The following PACS1 variants were observed in gnomAD, a reference collection of about 807,000 sequenced individuals.
PACS1 encodes the protein phosphofurin acidic cluster sorting protein 1.
PACS1 carries 24 observed loss-of-function variants against 115.0 expected under a neutral mutation model. The ratio of observed to expected loss-of-function variants is 0.21; its 90% CI spans 0.15 to 0.29. PACS1 has a LOEUF of 0.29. Ranked by LOEUF, PACS1 falls within the 10% of genes least tolerant of loss-of-function variation. PACS1 has a pLI of 1.00. For missense variants in PACS1, 838 were observed against 1,251.2 expected, an observed-to-expected ratio of 0.67 and a Z score of 4.98; for synonymous variants, 453 against 504.5, an observed-to-expected ratio of 0.90 and a Z score of 1.37.
chr11:66,232,281 G>C lies in PACS1; in HGVS notation c.1731+5G>C. On this transcript the variant is annotated splice_donor_5th_base_variant and intron_variant, in intron 14 of 23. Transcript: ENST00000320580. ...ACCACTGACTGGCAGGGCCAGGTAA[G>C]TGCTGAAACTGCGAGGCCATGTGGG... is the stretch of plus-strand genomic sequence containing the variant. 5 of 1,576,798 alleles carry C rather than the reference G, an allele frequency of 3.2e-6. No homozygotes were observed. The highest frequency in any genetic ancestry group is 4.4e-6 in the Non-Finnish European group (5 of 1,146,150).
intron 11 of PACS1, among the ~76,000 whole-genome samples, chr11:66,230,155 A>G (rs546989719): frequency 3.6e-5 from 5 of 139,854 alleles, no homozygotes; most frequent in Non-Finnish European, 6.4e-5. Flanking sequence ...AAAAAAAAAG[A>G]AAAAAAAAAA....
At chr11:66,160,959 A>T (rs801736) in intron 1 of PACS1, among the ~76,000 whole-genome samples, 61,615 of 151,864 alleles carry the variant, frequency 0.41, 13,434 homozygotes, top group Non-Finnish European at 0.48. Context: ...CTGGGTTCAT[A>T]TTCAGGTCCC....
Position 66,235,324 on chromosome 11 carries a change from G to T in PACS1, c.2128G>T (p.Val710Leu). 1 of 1,614,032 alleles carries T rather than the reference G, an allele frequency of 6.2e-7. No individual in the cohort carries two copies. The highest frequency in any genetic ancestry group is 1.1e-5 in the South Asian group (1 of 91,078). ...AGAGCAACTGGACGTGGCAGGGCGG[G>T]TGATGCAGTACGTCAACGGGGCAGC... ...VSEQLDVAGR[V>L]MQYVNGAATT... Residue 710 changes from valine to leucine, a missense_variant, in exon 18 of 24, where the codon GTG becomes TTG. This residue lies in a region of PACS1 where 383 missense variants were observed against 537.0 expected (regional missense o/e 0.71). Transcript: ENST00000320580. This position sits in a 1 kb window ranked among gnomAD's most constrained non-coding sequence, Gnocchi z 5.6.
chr11:66,176,983 T>C (rs1859880842), intron 1 of PACS1, among the ~76,000 whole-genome samples: 1 of 152,210 alleles, frequency 6.6e-6, no homozygotes, highest in African/African-American at 2.4e-5. Flanking sequence ...AGACTGAGGA[T>C]GCTCTGAGGT....
Position 66,070,275 on chromosome 11 carries a change from C to A in PACS1, c.-212C>A, listed in dbSNP as rs1857282219. On this transcript the variant is annotated 5_prime_UTR_variant, in exon 1 of 24. Coordinates refer to ENST00000320580, the MANE Select transcript of PACS1 (RefSeq NM_018026.4). The surrounding 1 kb of genome is among the most constrained non-coding windows in gnomAD (Gnocchi z 5.9). Reference sequence around the variant, plus strand: ...CCGCCCCCTCCCGGACACGCCCACCCGTGTCGGCCTCGCGAGCCGCAACAG... The same window carrying A: ...CCGCCCCCTCCCGGACACGCCCACCAGTGTCGGCCTCGCGAGCCGCAACAG... 6.3e-6 allele frequency: 1 copy of A among 158,744 alleles called. No individual in the cohort carries two copies. The highest frequency in any genetic ancestry group is 1.3e-5 in the Non-Finnish European group (1 of 74,240). The allele number at this position is 158,744 out of a possible 1,614,324, so 9.8% of individuals were successfully genotyped here.
intron 10 of PACS1, 111 bp from the exon 11 acceptor site, chr11:66,227,393 A>T (rs889137750): frequency 2.3e-5 from 15 of 659,874 alleles, no homozygotes; most frequent in Admixed American, 1.8e-4. Flanking sequence ...TGAAGATTTT[A>T]TGAGGTTTGA....
chr11:66,200,509 TATATC>T (rs1323482578), intron 2 of PACS1, among the ~76,000 whole-genome samples: 3 of 151,904 alleles, frequency 2.0e-5, no homozygotes, highest in African/African-American at 7.3e-5. Flanking sequence ...TAGCTATACT[TATATC>T]AGACAAAATA....
intron 1 of PACS1, among the ~76,000 whole-genome samples, chr11:66,111,949 A>G (rs1858197349): frequency 6.6e-6 from 1 of 152,068 alleles, no homozygotes; most frequent in Non-Finnish European, 1.5e-5. Flanking sequence ...CCCAGCTCAG[A>G]TTCTTCTTTA....
At chr11:66,181,339 A>C (rs922323489) in intron 1 of PACS1, among the ~76,000 whole-genome samples, 4 of 151,762 alleles carry the variant, frequency 2.6e-5, no homozygotes, top group Admixed American at 2.6e-4. Context: ...CAGTCTCCTG[A>C]GTAGCTGGGA....
intron 9 of PACS1, 26 bp downstream of exon 9, chr11:66,220,817 C>T (rs202216821): frequency 5.6e-6 from 9 of 1,608,806 alleles, no homozygotes; most frequent in Non-Finnish European, 6.8e-6. Flanking sequence ...TGTAGCTGGC[C>T]TCCAGACTCT....
intron 1 of PACS1, among the ~76,000 whole-genome samples, chr11:66,169,234 G>A (rs763357094): frequency 6.6e-6 from 1 of 150,460 alleles, no homozygotes; most frequent in Non-Finnish European, 1.5e-5. Flanking sequence ...TTGCTAAGAG[G>A]ACTTATCATA....
intron 1 of PACS1, among the ~76,000 whole-genome samples, chr11:66,142,699 TG>T (rs1016688140): frequency 2.6e-5 from 4 of 151,018 alleles, no homozygotes; most frequent in East Asian, 1.9e-4. Context: ...TTAAGCTGAA[TG>T]GGAGTGGGGC....
At chr11:66,138,699 TCG>T (rs1427386879) in intron 1 of PACS1, among the ~76,000 whole-genome samples, 3 of 151,838 alleles carry the variant, frequency 2.0e-5, no homozygotes, top group African/African-American at 7.3e-5. Flanking sequence ...TTTTTTTTTT[TCG>T]AGACAAAGTC....
intron 19 of PACS1, chr11:66,238,433 T>A (rs1289971068): frequency 2.9e-6 from 2 of 684,388 alleles, no homozygotes; most frequent in Non-Finnish European, 1.8e-6. Context: ...TTGTTGTTTT[T>A]TGTTTGTTTG....
intron 1 of PACS1, among the ~76,000 whole-genome samples, chr11:66,159,418 C>CAAGA (rs1450193153): frequency 1.3e-5 from 2 of 150,888 alleles, no homozygotes; most frequent in Non-Finnish European, 2.9e-5. Context: ...GCCTGGGCAA[C>CAAGA]AAGAGCAAAA....
intron 1 of PACS1, among the ~76,000 whole-genome samples, chr11:66,119,894 C>G (rs544920171): frequency 6.6e-6 from 1 of 152,248 alleles, no homozygotes; most frequent in South Asian, 2.1e-4. Flanking sequence ...TAGATCATCT[C>G]TAGGCACCGT....
intron 3 of PACS1, among the ~76,000 whole-genome samples, chr11:66,210,840 G>T (rs549629476): frequency 6.6e-6 from 1 of 152,142 alleles, no homozygotes; most frequent in Non-Finnish European, 1.5e-5. Flanking sequence ...CCCTCTCATC[G>T]TAATTCCAGT....
intron 1 of PACS1, among the ~76,000 whole-genome samples, chr11:66,092,997 G>A (rs947154459): frequency 2.8e-4 from 42 of 152,192 alleles, no homozygotes; most frequent in African/African-American, 9.2e-4. Flanking sequence ...TTGGTGATGC[G>A]GGCCCTTTTT....
chr11:66,081,232 C>CA lies in PACS1; in HGVS notation c.356+10399dup, dbSNP rs796871036. Among the ~76,000 whole-genome samples the CA allele has an allele frequency of 5.3e-3, 778 of 147,722 alleles. 6 individuals carry two copies. Among genetic ancestry groups the CA allele is most frequent in the African/African-American group, 0.016 (652 of 40,058 alleles). On this transcript the variant is annotated intron_variant, in intron 1 of 23. Coordinates refer to ENST00000320580, the MANE Select transcript of PACS1 (RefSeq NM_018026.4). ...TGAGCGACAGATCAAGACCCTGTCT[C>CA]AAAAAAAAAGAAAAAAGAAAGAAAG... is the stretch of plus-strand genomic sequence containing the variant.
Sources: allele counts gnomAD v4.1 joint callset (sites outside exome capture counted in the v4.1 genomes callset), GRCh38; gene constraint gnomAD v4.1.1; regional missense constraint gnomAD v4.1.1; non-coding constraint Gnocchi (gnomAD v3.1); transcripts MANE v1.5; gene names NCBI Gene and HGNC (gene_info 2026-07-23, HGNC 2026-07-21).